The following SH3KBP1 variants were observed in gnomAD, a reference collection of about 807,000 sequenced individuals.
The protein encoded by SH3KBP1 is SH3 domain containing kinase binding protein 1.
SH3KBP1 carries 8 observed loss-of-function variants against 50.1 expected under a neutral mutation model. That is an observed-to-expected ratio of 0.16 (90% confidence interval 0.09 to 0.29). The LOEUF is 0.29. SH3KBP1 is among the 10% of genes least tolerant of loss of function. SH3KBP1 has a pLI of 1.00. For missense variants in SH3KBP1, 377 were observed against 535.2 expected (o/e 0.70, Z 2.92); for synonymous variants, 227 against 218.6 (o/e 1.04, Z -0.34).
intron 2 of SH3KBP1, among the ~76,000 whole-genome samples, chrX:19,769,982 G>A: frequency 9.0e-6 from 1 of 111,493 alleles, no homozygotes; most frequent in Admixed American, 9.6e-5. Flanking sequence ...CGGATTCATG[G>A]ACAAACATCT....
At chrX:19,747,568 C>G (rs1157777582) in intron 2 of SH3KBP1, 1 of 337,332 alleles carries the variant, frequency 3.0e-6, no homozygotes, top group East Asian at 9.9e-5. Flanking sequence ...TGACTAGGCC[C>G]GAGCAGAGGG....
chrX:19,836,903 G>T (rs747814704), intron 1 of SH3KBP1, among the ~76,000 whole-genome samples: 2 of 111,582 alleles, frequency 1.8e-5, no homozygotes, highest in East Asian at 5.6e-4. Flanking sequence ...GGTTTTATAA[G>T]GGACTTTTCC....
chrX:19,784,777 A>G (rs757564848), intron 2 of SH3KBP1, among the ~76,000 whole-genome samples: 190 of 109,535 alleles, frequency 1.7e-3, no homozygotes, highest in Non-Finnish European at 3.1e-3. Flanking sequence ...ACTAATTTTT[A>G]TATTTTTAGT....
At chrX:19,617,277 T>C (rs773915398) in intron 8 of SH3KBP1, among the ~76,000 whole-genome samples, 74 of 112,674 alleles carry the variant, frequency 6.6e-4, no homozygotes, top group African/African-American at 2.2e-3. Flanking sequence ...AACAGCCACT[T>C]TGTATGTTTT....
chrX:19,606,649 C>G (rs1485263177), intron 9 of SH3KBP1, among the ~76,000 whole-genome samples: 2 of 112,084 alleles, frequency 1.8e-5, no homozygotes, highest in Non-Finnish European at 3.8e-5. Flanking sequence ...TGCTTCTACA[C>G]TAGTGCTTCC....
chrX:19,565,289 T>C (rs2065811880), intron 13 of SH3KBP1, among the ~76,000 whole-genome samples: 1 of 109,777 alleles, frequency 9.1e-6, no homozygotes, highest in Non-Finnish European at 1.9e-5. Context: ...CTCGAACTCC[T>C]GACCTCAGGT....
chrX:19,614,793 G>A (rs949989868), intron 8 of SH3KBP1, among the ~76,000 whole-genome samples: 24 of 111,949 alleles, frequency 2.1e-4, no homozygotes, highest in Admixed American at 1.5e-3. Context: ...TGCCAATGCC[G>A]CTACTCCGTG....
At chrX:19,833,285 T>C (rs923794137) in intron 2 of SH3KBP1, among the ~76,000 whole-genome samples, 2 of 97,127 alleles carry the variant, frequency 2.1e-5, no homozygotes, top group African/African-American at 3.9e-5. Context: ...CTCTTTCCCA[T>C]GGTCTTTCTC....
chrX:19,575,759 C>T (rs1656778809), intron 12 of SH3KBP1, among the ~76,000 whole-genome samples: 1 of 112,112 alleles, frequency 8.9e-6, no homozygotes, highest in Non-Finnish European at 1.9e-5. Context: ...ATGCCTTTCA[C>T]TGTATTTATA....
chrX:19,715,768 T>C (rs996449654), intron 3 of SH3KBP1, among the ~76,000 whole-genome samples: 2 of 112,651 alleles, frequency 1.8e-5, no homozygotes, highest in Admixed American at 9.4e-5. Context: ...CACAGGTGAA[T>C]GCTGCTGTGC....
At chrX:19,799,554 T>A in intron 2 of SH3KBP1, 8 of 1,011,112 alleles carry the variant, frequency 7.9e-6, no homozygotes, top group Non-Finnish European at 1.1e-5. Flanking sequence ...GCCTCCCTCC[T>A]GGCCTACAAA....
At chrX:19,854,139 G>A (rs1318461736) in intron 1 of SH3KBP1, among the ~76,000 whole-genome samples, 2 of 109,161 alleles carry the variant, frequency 1.8e-5, no homozygotes, top group African/African-American at 3.3e-5. Context: ...TTTTTGAGAT[G>A]GAGTCTTGCT....
At position 19,814,685 on chromosome X, in the gene SH3KBP1, C is replaced by A. The variant is rs1234182919; in HGVS notation, c.162+21440G>T. Among the ~76,000 whole-genome samples the A allele has an allele frequency of 3.6e-5, 4 of 111,394 alleles. No individual in the cohort carries two copies. The Admixed American group carries it at 3.8e-4, about 11-fold the overall frequency. On this transcript the variant is annotated intron_variant, in intron 2 of 17. Coordinates refer to ENST00000397821, the MANE Select transcript of SH3KBP1 (RefSeq NM_031892.3). The stretch of plus-strand genomic sequence containing the variant: ...ACCTTTTTCATGAGGCCTTTCCTGG[C>A]CTCCCTATCATAAATTGCAATCCCA...
intron 2 of SH3KBP1, among the ~76,000 whole-genome samples, chrX:19,797,444 C>A (rs1429224880): frequency 9.0e-6 from 1 of 111,667 alleles, no homozygotes; most frequent in Non-Finnish European, 1.9e-5. Context: ...GGAAGATGAC[C>A]CCGATGAGGC....
intron 2 of SH3KBP1, among the ~76,000 whole-genome samples, chrX:19,801,851 G>A (rs1378833164): frequency 1.8e-5 from 2 of 111,843 alleles, no homozygotes; most frequent in Non-Finnish European, 1.9e-5. Flanking sequence ...TGAGGTGGGC[G>A]GATCCCTTGA....
At chrX:19,614,930 A>G (rs1176906996) in intron 8 of SH3KBP1, among the ~76,000 whole-genome samples, 2 of 111,993 alleles carry the variant, frequency 1.8e-5, no homozygotes, top group Non-Finnish European at 3.8e-5. Flanking sequence ...TTCTGAATAA[A>G]TGTTGACTGA....
intron 8 of SH3KBP1, among the ~76,000 whole-genome samples, chrX:19,622,113 A>G (rs770011129): frequency 8.0e-4 from 90 of 112,673 alleles, no homozygotes; most frequent in African/African-American, 2.9e-3. Flanking sequence ...TATTTTAATG[A>G]CTTTTTTTCT....
rs1468175312 is a variant in SH3KBP1 at position 19,859,638 on chromosome X, T to C, written c.5-23356A>G. 4.5e-5 allele frequency among the ~76,000 whole-genome samples: 5 copies of C among 112,166 alleles called. No individual in the cohort carries two copies. The East Asian group carries it at 1.4e-3, about 31-fold the overall frequency. On this transcript the variant is annotated intron_variant, in intron 1 of 17. Coordinates refer to ENST00000397821, the MANE Select transcript of SH3KBP1 (RefSeq NM_031892.3). ...GCTCTGGGTGGTGTGGAGCAAACTGTGCTTTCTGCAGCAAATCGTGGTCTT... is the reference window on the plus strand; with the variant it reads ...GCTCTGGGTGGTGTGGAGCAAACTGCGCTTTCTGCAGCAAATCGTGGTCTT...
chrX:19,810,039 G>C (rs1339786994), intron 2 of SH3KBP1, among the ~76,000 whole-genome samples: 3 of 112,090 alleles, frequency 2.7e-5, no homozygotes, highest in African/African-American at 9.7e-5. Context: ...TTAATCTTAA[G>C]GATTGTGTAT....
Sources: allele counts gnomAD v4.1 joint callset (sites outside exome capture counted in the v4.1 genomes callset), GRCh38; gene constraint gnomAD v4.1.1; transcripts MANE v1.5; gene names NCBI Gene and HGNC (gene_info 2026-07-23, HGNC 2026-07-21).